The following EEPD1 variants were observed in gnomAD, a reference collection of about 807,000 sequenced individuals.
The protein encoded by EEPD1 is endonuclease/exonuclease/phosphatase family domain containing 1.
Under a neutral mutation model 46.3 loss-of-function variants are expected in EEPD1, and 17 were observed. The ratio of observed to expected loss-of-function variants is 0.37; its 90% confidence interval spans 0.25 to 0.55. The LOEUF (loss-of-function observed/expected upper bound fraction) is 0.55. EEPD1 is among the 20% of genes least tolerant of loss of function. EEPD1 has a pLI of 0.83. For missense variants in EEPD1, 673 were observed against 745.6 expected (o/e 0.90, Z 1.13); for synonymous variants, 313 against 315.6 (o/e 0.99, Z 0.09).
chr7:36,154,721 C>A lies in EEPD1; in HGVS notation c.397C>A (p.Leu133Ile). 2.5e-6 allele frequency: 4 copies of A among 1,613,998 alleles called. No homozygotes were observed. Among genetic ancestry groups the A allele is most frequent in the Non-Finnish European group, 3.4e-6 (4 of 1,180,010 alleles). ...QPHHLATAVPLTPRVNINTAT... is the reference protein window; with the variant it reads ...QPHHLATAVPITPRVNINTAT... ...TCACCACCTGGCCACAGCTGTGCCC[C>A]TCACCCCACGTGTTAACATCAACAC... Residue 133 changes from leucine (L) to isoleucine (I), a missense_variant, in exon 2 of 8, where the codon CTC becomes ATC. Coordinates refer to ENST00000242108, the MANE Select transcript of EEPD1 (RefSeq NM_030636.3). This position sits in a 1 kb window ranked among gnomAD's most constrained non-coding sequence, Gnocchi z 4.2.
rs531152673 is a variant in EEPD1 at position 36,287,701 on chromosome 7, C to T, written c.1239C>T (p.Ser413=). The part of the protein sequence containing the change: ...LHLAALTLLG[S]ENPSKNHSDG... Reference sequence around the variant, plus strand: ...TGGCAGCCCTGACCCTCCTGGGGAGCGAGAATCCCAGCAAGAATCACAGTG... The same window carrying T: ...TGGCAGCCCTGACCCTCCTGGGGAGTGAGAATCCCAGCAAGAATCACAGTG... Residue 413 remains serine, a synonymous_variant, in exon 6 of 8, where the codon AGC becomes AGT. Transcript: ENST00000242108. The T allele has an allele frequency of 3.0e-5, 48 of 1,614,138 alleles. No individual in the cohort carries two copies. Among genetic ancestry groups the T allele is most frequent in the Non-Finnish European group, 3.7e-5 (44 of 1,180,020 alleles).
At chr7:36,255,447 T>C (rs1786813757) in intron 3 of EEPD1, among the ~76,000 whole-genome samples, 1 of 152,248 alleles carries the variant, frequency 6.6e-6, no homozygotes, top group African/African-American at 2.4e-5. Context: ...CAAATGGTTG[T>C]AGATGTGTGG....
intron 3 of EEPD1, among the ~76,000 whole-genome samples, chr7:36,268,704 T>C (rs2115844788): frequency 6.6e-6 from 1 of 152,308 alleles, no homozygotes; most frequent in South Asian, 2.1e-4. Flanking sequence ...CTCTGTAGTC[T>C]AGGCCTGAGG....
At chr7:36,292,449 C>T (rs73107659) in intron 6 of EEPD1, among the ~76,000 whole-genome samples, 7 of 149,682 alleles carry the variant, frequency 4.7e-5, no homozygotes, top group Non-Finnish European at 8.9e-5. Flanking sequence ...CTGTCTCTCC[C>T]TCCCTCCCTC....
At chr7:36,269,779 C>G (rs1252199997) in intron 3 of EEPD1, among the ~76,000 whole-genome samples, 1 of 152,130 alleles carries the variant, frequency 6.6e-6, no homozygotes, top group Admixed American at 6.6e-5. Flanking sequence ...GCAACAAAAC[C>G]TTCTGATTTA....
At chr7:36,211,362 A>C (rs1379074754) in intron 2 of EEPD1, among the ~76,000 whole-genome samples, 1 of 152,236 alleles carries the variant, frequency 6.6e-6, no homozygotes, top group Non-Finnish European at 1.5e-5. Flanking sequence ...CCTAGCATTT[A>C]TGAGAATTTA....
At chr7:36,188,032 G>A (rs147190345) in intron 2 of EEPD1, among the ~76,000 whole-genome samples, 1,673 of 151,832 alleles carry the variant, frequency 0.011, 29 homozygotes, top group African/African-American at 0.038. Context: ...ACTTGTCCTC[G>A]TGATCCGCCT....
rs377318198 is a variant in EEPD1, at chr7:36,287,236, C to CAAAAAA, written c.1177-381_1177-376dup. Among the ~76,000 whole-genome samples, 3 of 42,210 alleles carry CAAAAAA rather than the reference C, an allele frequency of 7.1e-5. 1 individual carries two copies. The highest frequency in any genetic ancestry group is 3.5e-4 in the African/African-American group (3 of 8,604). The allele number at this position is 42,210 out of a possible 152,430, so 27.7% of individuals were successfully genotyped here. The stretch of plus-strand genomic sequence containing the variant: ...TGGGTGACAGAGTGAGACTCCTTCT[C>CAAAAAA]AAAAAAAAAAAAAAAAAAAAAAAAA... On this transcript the variant is annotated intron_variant, in intron 5 of 7. Transcript: ENST00000242108.
intron 2 of EEPD1, among the ~76,000 whole-genome samples, chr7:36,222,084 C>T (rs1786155507): frequency 6.6e-6 from 1 of 152,144 alleles, no homozygotes; most frequent in Admixed American, 6.5e-5. Context: ...TTAGGGGAGC[C>T]AACCCGCCCT....
intron 6 of EEPD1, among the ~76,000 whole-genome samples, chr7:36,288,401 A>G (rs1022407678): frequency 1.3e-5 from 2 of 152,154 alleles, no homozygotes; most frequent in Non-Finnish European, 2.9e-5. Context: ...TACCAAGCAC[A>G]TAGTAGGGAC....
chr7:36,210,238 C>T (rs920130430), intron 2 of EEPD1, among the ~76,000 whole-genome samples: 1 of 152,146 alleles, frequency 6.6e-6, no homozygotes, highest in Non-Finnish European at 1.5e-5. Context: ...AAACTTGTTA[C>T]TGATGGGTTT....
At position 36,182,149 on chromosome 7, in the gene EEPD1, G is replaced by A. The variant is rs766937801; in HGVS notation, c.878+26947G>A. Among the ~76,000 whole-genome samples, 93 of 152,326 alleles carry A rather than the reference G, an allele frequency of 6.1e-4. 1 individual carries two copies. Among genetic ancestry groups the A allele is most frequent in the South Asian group, 2.1e-4 (1 of 4,832 alleles). ...AACAGTCTGTGTGTCCACTTAGACT[G>A]TAGTCCAGCCACAAAGGGGGACATT... is the stretch of plus-strand genomic sequence containing the variant. On this transcript the variant is annotated intron_variant, in intron 2 of 7. Coordinates refer to ENST00000242108, the MANE Select transcript of EEPD1 (RefSeq NM_030636.3).
At chr7:36,258,636 G>A (rs931393279) in intron 3 of EEPD1, among the ~76,000 whole-genome samples, 25 of 152,054 alleles carry the variant, frequency 1.6e-4, no homozygotes, top group African/African-American at 5.6e-4. Flanking sequence ...TGAGGGGAAA[G>A]CCTACTCAAG....
chr7:36,229,606 A>G (rs1786286865), intron 2 of EEPD1, among the ~76,000 whole-genome samples: 1 of 152,112 alleles, frequency 6.6e-6, no homozygotes, highest in African/African-American at 2.4e-5. Context: ...TCACCCACTG[A>G]AACCTGGCAT....
intron 3 of EEPD1, among the ~76,000 whole-genome samples, chr7:36,269,811 C>T (rs887727213): frequency 6.6e-6 from 1 of 152,136 alleles, no homozygotes; most frequent in South Asian, 2.1e-4. Context: ...AAAGATATTG[C>T]CATTTGAAAT....
intron 2 of EEPD1, among the ~76,000 whole-genome samples, chr7:36,217,768 T>C (rs1786055103): frequency 6.6e-6 from 1 of 152,224 alleles, no homozygotes. Context: ...GGATTGCTTT[T>C]TACTGATTAG....
Position 36,284,904 on chromosome 7 carries a change from T to G in EEPD1, c.1176+84T>G, listed in dbSNP as rs1307805154. On this transcript the variant is annotated intron_variant, in intron 5 of 7. Transcript: ENST00000242108. ...AGGGCTCATTTTGTAATAGCATGAG[T>G]AAGAGAAGTCTCGTCTTTTTGCCTT... The G allele has an allele frequency of 3.4e-5, 48 of 1,393,050 alleles. No individual in the cohort carries two copies. In the East Asian group the frequency reaches 1.2e-3, roughly 36 times the overall value. The allele number at this position is 1,393,050 out of a possible 1,614,324, so 86.3% of individuals were successfully genotyped here. A position where few individuals can be genotyped will look rare whatever the true frequency, so the allele number is the denominator to read the frequency against.
chr7:36,229,160 G>T, intron 2 of EEPD1: 1 of 152,620 alleles, frequency 6.6e-6, no homozygotes. Context: ...CGCCAGCATT[G>T]CTGGAGGTGC....
At position 36,181,605 on chromosome 7, in the gene EEPD1, C is replaced by G. The variant is rs185956580; in HGVS notation, c.878+26403C>G. Among the ~76,000 whole-genome samples the G allele has an allele frequency of 7.2e-5, 11 of 152,204 alleles. No individual in the cohort carries two copies. The East Asian group carries it at 2.1e-3, about 29-fold the overall frequency. ...CATGTGCCTAGCCCCCAAACACTGC[C>G]CTCATGTTACAGGGAAATGTGGCAA... On this transcript the variant is annotated intron_variant, in intron 2 of 7. Transcript: ENST00000242108.
Sources: allele counts gnomAD v4.1 joint callset (sites outside exome capture counted in the v4.1 genomes callset), GRCh38; gene constraint gnomAD v4.1.1; non-coding constraint Gnocchi (gnomAD v3.1); transcripts MANE v1.5; gene names NCBI Gene and HGNC (gene_info 2026-07-23, HGNC 2026-07-21).